The following MACROD2 variants were observed in gnomAD, a reference collection of about 807,000 sequenced individuals.
The protein encoded by MACROD2 is ADP-ribose glycohydrolase MACROD2.
In MACROD2, 36 loss-of-function variants were observed where a neutral mutation model predicts 70.4. That is an observed-to-expected ratio of 0.51 (90% CI 0.39 to 0.68). The LOEUF (loss-of-function observed/expected upper bound fraction) is 0.68, where lower values mean the gene tolerates loss of function less well. MACROD2 is among the 30% of genes least tolerant of loss of function. The pLI, the probability that MACROD2 is intolerant of heterozygous loss-of-function variation, is 0.00. For synonymous variants in MACROD2, 172 were observed against 178.8 expected, an observed-to-expected ratio of 0.96 and a Z score of 0.30; for missense variants, 496 against 538.4, an observed-to-expected ratio of 0.92 and a Z score of 0.78.
intron 3 of MACROD2, among the ~76,000 whole-genome samples, chr20:14,256,129 G>C (rs1042972139): frequency 2.0e-5 from 3 of 151,786 alleles, no homozygotes; most frequent in Non-Finnish European, 4.4e-5. Context: ...GCCTTTTTAT[G>C]CCTAAATCTG....
At chr20:14,663,325 T>TTGGAGGG (rs1224328441) in intron 4 of MACROD2, among the ~76,000 whole-genome samples, 1 of 151,546 alleles carries the variant, frequency 6.6e-6, no homozygotes, top group Non-Finnish European at 1.5e-5. Flanking sequence ...CAGGGGCTTA[T>TTGGAGGG]TGGAGGGTGG....
At chr20:14,585,582 TATAAG>T (rs1036115614) in intron 4 of MACROD2, among the ~76,000 whole-genome samples, 8 of 152,106 alleles carry the variant, frequency 5.3e-5, no homozygotes, top group African/African-American at 1.7e-4. Flanking sequence ...CTTCTTCATT[TATAAG>T]ATATTTATTG....
At chr20:15,716,237 T>C (rs116309327) in intron 8 of MACROD2, among the ~76,000 whole-genome samples, 2,232 of 152,300 alleles carry the variant, frequency 0.015, 51 homozygotes, top group African/African-American at 0.05. Flanking sequence ...ATAACGTTAT[T>C]TGGCAATTGA....
At chr20:14,275,198 G>C (rs1240929612) in intron 3 of MACROD2, among the ~76,000 whole-genome samples, 11 of 152,150 alleles carry the variant, frequency 7.2e-5, no homozygotes, top group Non-Finnish European at 1.5e-5. Flanking sequence ...AACGAACAAA[G>C]CTGGAGGCAT....
intron 8 of MACROD2, among the ~76,000 whole-genome samples, chr20:15,649,615 A>G (rs1246038677): frequency 2.0e-5 from 3 of 152,174 alleles, no homozygotes; most frequent in Non-Finnish European, 4.4e-5. Flanking sequence ...CACAGAAGTC[A>G]TTAGGTTGCT....
chr20:14,401,398 C>A (rs577025987), intron 3 of MACROD2, among the ~76,000 whole-genome samples: 79 of 152,258 alleles, frequency 5.2e-4, no homozygotes, highest in African/African-American at 1.7e-3. Context: ...AATGACTGAA[C>A]TGAAAGAGCA....
intron 3 of MACROD2, among the ~76,000 whole-genome samples, chr20:14,391,057 T>C (rs1461230452): frequency 1.3e-5 from 2 of 152,154 alleles, no homozygotes; most frequent in African/African-American, 4.8e-5. Flanking sequence ...TGTAGAAGAC[T>C]GTGTGATGAT....
intron 4 of MACROD2, among the ~76,000 whole-genome samples, chr20:14,554,848 A>T (rs1045928364): frequency 6.6e-5 from 10 of 152,106 alleles, no homozygotes; most frequent in Admixed American, 3.9e-4. Context: ...GATCACCTAT[A>T]AGGAAAGATT....
At chr20:14,832,748 G>A (rs1408738944) in intron 5 of MACROD2, among the ~76,000 whole-genome samples, 8 of 152,148 alleles carry the variant, frequency 5.3e-5, no homozygotes. Context: ...TCACAGAGCA[G>A]AGCCTGAGTC....
At chr20:14,917,753 A>T (rs2074110583) in intron 5 of MACROD2, among the ~76,000 whole-genome samples, 1 of 152,140 alleles carries the variant, frequency 6.6e-6, no homozygotes, top group Non-Finnish European at 1.5e-5. Context: ...ATTGCATCTA[A>T]AGCTACTCAG....
rs200763115 is a variant in MACROD2, at chr20:15,577,187, C to CT, written c.645+77351dup. Reference sequence around the variant, plus strand: ...TCCTTTGTCTTCAGAAGCAATCACTCTTTTTTTTTTTAACTTTTTATAATG... The same window carrying CT: ...TCCTTTGTCTTCAGAAGCAATCACTCTTTTTTTTTTTTAACTTTTTATAATG... On this transcript the variant is annotated intron_variant, in intron 8 of 17. Coordinates refer to ENST00000684519, the MANE Select transcript of MACROD2 (RefSeq NM_001351661.2). Among the ~76,000 whole-genome samples, 693 of 145,128 alleles carry CT rather than the reference C, an allele frequency of 4.8e-3. 14 individuals are homozygous for CT. In the East Asian group the frequency reaches 0.083, roughly 17 times the overall value.
chr20:15,455,406 G>C (rs1322182012), intron 7 of MACROD2, among the ~76,000 whole-genome samples: 1 of 152,016 alleles, frequency 6.6e-6, no homozygotes, highest in Non-Finnish European at 1.5e-5. Flanking sequence ...ATTGGATATC[G>C]GTCATCAGAG....
intron 5 of MACROD2, among the ~76,000 whole-genome samples, chr20:15,072,012 T>A (rs1008235356): frequency 6.6e-6 from 1 of 152,156 alleles, no homozygotes; most frequent in Non-Finnish European, 1.5e-5. Flanking sequence ...AAAAACATAA[T>A]GTAAGATTTC....
intron 8 of MACROD2, among the ~76,000 whole-genome samples, chr20:15,664,942 A>G (rs548538163): frequency 2.0e-4 from 30 of 152,200 alleles, no homozygotes; most frequent in Non-Finnish European, 3.7e-4. Flanking sequence ...GCAGTAATTC[A>G]ACTTATTGCA....
At chr20:15,608,585 T>C (rs914158838) in intron 8 of MACROD2, among the ~76,000 whole-genome samples, 8 of 152,218 alleles carry the variant, frequency 5.3e-5, no homozygotes, top group African/African-American at 1.4e-4. Context: ...GAGGCAAGAA[T>C]TGATACATTT....
At chr20:14,684,526 G>T (rs1446833202) in intron 4 of MACROD2, among the ~76,000 whole-genome samples, 1 of 152,084 alleles carries the variant, frequency 6.6e-6, no homozygotes, top group Non-Finnish European at 1.5e-5. Flanking sequence ...TATGGGGAAA[G>T]GAATTATACC....
chr20:15,026,121 A>G (rs1342740302), intron 5 of MACROD2, among the ~76,000 whole-genome samples: 2 of 152,186 alleles, frequency 1.3e-5, no homozygotes, highest in African/African-American at 2.4e-5. Context: ...TCAGGGGGGA[A>G]CATTAATTAG....
At chr20:15,715,776 T>C (rs769878485) in intron 8 of MACROD2, among the ~76,000 whole-genome samples, 1 of 152,178 alleles carries the variant, frequency 6.6e-6, no homozygotes, top group South Asian at 2.1e-4. Context: ...TGAGAACTTA[T>C]TTGCCTGCCA....
chr20:14,046,369 T>C (rs2053474892), intron 2 of MACROD2, among the ~76,000 whole-genome samples: 1 of 152,182 alleles, frequency 6.6e-6, no homozygotes, highest in African/African-American at 2.4e-5. Flanking sequence ...AATAGATTTT[T>C]CAGACAGCAT....
Sources: gnomAD v4.1 joint callset for allele counts (sites outside exome capture counted in the v4.1 genomes callset) on GRCh38, gnomAD v4.1.1 for gene constraint, MANE v1.5 for transcripts, NCBI Gene and HGNC (gene_info 2026-07-23, HGNC 2026-07-21) for gene names.